ARV1: variants seen among roughly 807,000 people sequenced by gnomAD.
ARV1 encodes the protein ARV1 fatty acid homeostasis modulator, also known as protein ARV1.
ARV1 carries 26 observed loss-of-function variants against 31.1 expected under a neutral mutation model. The observed-to-expected ratio is 0.84, with a 90% CI of 0.61 to 1.16. The LOEUF (loss-of-function observed/expected upper bound fraction) is 1.16. Ranked by LOEUF, ARV1 falls within the 50% of genes most tolerant of loss-of-function variation. The pLI is 0.00. For synonymous variants in ARV1, 117 were observed against 123.2 expected (o/e 0.95, Z 0.34); for missense variants, 281 against 324.9 (o/e 0.86, Z 1.04).
chr1:230,979,515 C>G, intron 1 of ARV1: 1 of 507,754 alleles, frequency 2.0e-6, no homozygotes, highest in Non-Finnish European at 3.4e-6. Context: ...GACCGACAGA[C>G]AGAGGTAGAT....
At chr1:230,995,664 T>C in intron 3 of ARV1, 96 bp from the exon 4 acceptor site, 1 of 869,510 alleles carries the variant, frequency 1.2e-6, no homozygotes, top group Non-Finnish European at 1.8e-6. Context: ...TGAAGTCAGC[T>C]GATAAGCTGT....
chr1:230,986,605 A>T (rs968315065), intron 1 of ARV1, among the ~76,000 whole-genome samples: 3 of 150,496 alleles, frequency 2.0e-5, no homozygotes, highest in African/African-American at 7.3e-5. Context: ...ATGGAACCCA[A>T]TTACCATCCA....
At chr1:230,991,899 A>G (rs1037688340) in intron 3 of ARV1, among the ~76,000 whole-genome samples, 3 of 152,044 alleles carry the variant, frequency 2.0e-5, no homozygotes, top group Non-Finnish European at 2.9e-5. Context: ...AAGTGCTGGG[A>G]TTACAGGCAT....
In ARV1 at chr1:230,997,190, T is replaced by A; in HGVS notation, c.743T>A (p.Met248Lys). The A allele has an allele frequency of 6.2e-7, 1 of 1,613,940 alleles. No individual in the cohort carries two copies. The highest frequency in any genetic ancestry group is 8.5e-7 in the Non-Finnish European group (1 of 1,179,804). ...AGTGGCTTACTGCTGGAAAGCATCA[T>A]GGTCTACTTCTTCCAGAGTATGGAA... Reference protein sequence around the residue: ...VLSGLLLESIMVYFFQSMEWD... With the variant: ...VLSGLLLESIKVYFFQSMEWD... Residue 248 changes from methionine to lysine, a missense_variant, in exon 5 of 6, where the codon ATG becomes AAG. Physicochemically the swap from Met to Lys is moderately conservative, Grantham distance 95. Transcript: ENST00000310256.
At chr1:230,981,241 G>A (rs1331032032) in intron 1 of ARV1, among the ~76,000 whole-genome samples, 1 of 152,078 alleles carries the variant, frequency 6.6e-6, no homozygotes, top group Non-Finnish European at 1.5e-5. Context: ...CTGTCTCATG[G>A]CTTTAAATAC....
rs1446481967 is a variant in ARV1, at chr1:230,995,856, CATT to C, written c.554_556del (p.Leu185del). 8 of 1,613,964 alleles carry C rather than the reference CATT, an allele frequency of 5.0e-6. No individual in the cohort carries two copies. Among genetic ancestry groups the C allele is most frequent in the African/African-American group, 1.3e-5 (1 of 74,918 alleles). On this transcript the variant is annotated inframe_deletion, in exon 4 of 6. Coordinates refer to ENST00000310256, the MANE Select transcript of ARV1 (RefSeq NM_022786.3). The stretch of plus-strand genomic sequence containing the variant: ...CCCAACTTCATTTTGCTGCTGAAAG[CATT>C]ATTATTATCTAGCTACGGAAAACTC...
At chr1:230,981,157 T>C (rs1402874914) in intron 1 of ARV1, among the ~76,000 whole-genome samples, 1 of 152,192 alleles carries the variant, frequency 6.6e-6, no homozygotes, top group Non-Finnish European at 1.5e-5. Flanking sequence ...CCCTTACCTC[T>C]TAATCATGGT....
At chr1:230,996,828 T>C (rs1679384319) in intron 4 of ARV1, among the ~76,000 whole-genome samples, 1 of 152,208 alleles carries the variant, frequency 6.6e-6, no homozygotes, top group Admixed American at 6.5e-5. Flanking sequence ...ATTTTGTTGT[T>C]GTTGTCGTTA....
intron 5 of ARV1, among the ~76,000 whole-genome samples, chr1:230,998,714 T>A (rs1679440695): frequency 2.0e-5 from 3 of 150,220 alleles, no homozygotes; most frequent in Non-Finnish European, 4.4e-5. Flanking sequence ...AAGACCAGCC[T>A]GGGCAACATA....
At chr1:230,998,430 T>A (rs1364655180) in intron 5 of ARV1, among the ~76,000 whole-genome samples, 1 of 152,182 alleles carries the variant, frequency 6.6e-6, no homozygotes, top group Non-Finnish European at 1.5e-5. Flanking sequence ...CCTTTTTGGG[T>A]CTTCAGACAT....
intron 1 of ARV1, among the ~76,000 whole-genome samples, chr1:230,979,708 T>G (rs1678785550): frequency 6.6e-6 from 1 of 152,212 alleles, no homozygotes. Context: ...TTATTGGATG[T>G]CTACGGTGTA....
intron 3 of ARV1, among the ~76,000 whole-genome samples, chr1:230,994,597 A>AG (rs2103054796): frequency 6.9e-6 from 1 of 145,660 alleles, no homozygotes; most frequent in East Asian, 2.0e-4. Context: ...ACTGGAGTGC[A>AG]GTGGCACAAT....
At chr1:230,990,757 T>TG (rs571299041) in intron 3 of ARV1, 80 of 189,540 alleles carry the variant, frequency 4.2e-4, no homozygotes, top group Admixed American at 8.8e-4. Flanking sequence ...TTTGTTGAGA[T>TG]GGGGGGTCTT....
chr1:230,992,953 AT>A (rs1679265978), intron 3 of ARV1, among the ~76,000 whole-genome samples: 1 of 152,254 alleles, frequency 6.6e-6, no homozygotes, highest in African/African-American at 2.4e-5. Context: ...TATTTGAAAT[AT>A]ACAAAAGAAT....
intron 5 of ARV1, among the ~76,000 whole-genome samples, chr1:230,998,923 A>G (rs1393390731): frequency 6.6e-6 from 1 of 152,144 alleles, no homozygotes. Context: ...AAACAAAAAA[A>G]TACACAAGGA....
chr1:230,984,342 T>TCGTGTGTGTGTGTGTGTGTG (rs755628333), intron 1 of ARV1, among the ~76,000 whole-genome samples: 2 of 85,076 alleles, frequency 2.4e-5, no homozygotes, highest in Non-Finnish European at 5.0e-5. Flanking sequence ...TTTGTTTGTT[T>TCGTGTGTGTGTGTGTGTGTG]CGTGTGTGTG....
intron 3 of ARV1, among the ~76,000 whole-genome samples, chr1:230,991,888 A>C (rs940701331): frequency 1.3e-5 from 2 of 152,074 alleles, no homozygotes; most frequent in African/African-American, 4.8e-5. Flanking sequence ...TCTGCCTCCC[A>C]AAGTGCTGGG....
intron 3 of ARV1, among the ~76,000 whole-genome samples, chr1:230,994,634 C>T (rs1162649405): frequency 2.0e-5 from 3 of 151,900 alleles, no homozygotes; most frequent in South Asian, 4.2e-4. Context: ...CTCCGCCTCC[C>T]GGGTTCACGC....
chr1:230,997,070 T>G (rs771047540), intron 4 of ARV1, 51 bp from the exon 5 acceptor site: 3 of 1,589,564 alleles, frequency 1.9e-6, no homozygotes, highest in Non-Finnish European at 2.6e-6. Flanking sequence ...AATTTACATG[T>G]CAATATCGTT....
Sources: allele counts gnomAD v4.1 joint callset (sites outside exome capture counted in the v4.1 genomes callset), GRCh38; gene constraint gnomAD v4.1.1; transcripts MANE v1.5; gene names NCBI Gene and HGNC (gene_info 2026-07-23, HGNC 2026-07-21).